MRPL12: variants seen among roughly 807,000 people sequenced by gnomAD.
MRPL12 encodes the protein mitochondrial ribosomal protein L12.
Under a neutral mutation model 21.1 loss-of-function variants are expected in MRPL12, and 13 were observed. The observed-to-expected ratio is 0.62, with a 90% CI of 0.40 to 0.98. The LOEUF is 0.98. Among genes scored for constraint, MRPL12 ranks in the 50% least tolerant of loss-of-function variants. The pLI is 0.00. For synonymous variants in MRPL12, 126 were observed against 115.3 expected (o/e 1.09, Z -0.60); for missense variants, 251 against 268.6 (o/e 0.93, Z 0.46).
chr17:81,706,387 C>G (rs142206644), intron 3 of MRPL12, among the ~76,000 whole-genome samples: 1 of 152,132 alleles, frequency 6.6e-6, no homozygotes, highest in Non-Finnish European at 1.5e-5. Flanking sequence ...GCTGGGATTA[C>G]AGGCGCGCAC....
At chr17:81,706,482 G>A (rs1403428171) in intron 3 of MRPL12, among the ~76,000 whole-genome samples, 3 of 152,116 alleles carry the variant, frequency 2.0e-5, no homozygotes, top group African/African-American at 4.8e-5. Flanking sequence ...CTCCCAAAGC[G>A]CTAGGATGAC....
intron 3 of MRPL12, among the ~76,000 whole-genome samples, chr17:81,705,040 G>T (rs1411812802): frequency 6.6e-6 from 1 of 151,520 alleles, no homozygotes; most frequent in African/African-American, 2.4e-5. Context: ...TTCGAGGCCA[G>T]CCTGGCCAAC....
Position 81,707,278 on chromosome 17 carries a change from C to G in MRPL12, c.*38C>G, listed in dbSNP as rs766244982. 1 of 1,521,032 alleles carries G rather than the reference C, an allele frequency of 6.6e-7. No homozygotes were observed. Among genetic ancestry groups the G allele is most frequent in the Non-Finnish European group, 8.8e-7 (1 of 1,131,376 alleles). The allele number at this position is 1,521,032 out of a possible 1,614,324, so 94.2% of individuals were successfully genotyped here. On this transcript the variant is annotated 3_prime_UTR_variant, in exon 5 of 5. Transcript: ENST00000333676. ...AGGACTTGTGTTCAGGGGTCCTGGG[C>G]CCCGGGCGAGGTCCCGCCCTCCCGT...
Position 81,707,064 on chromosome 17 carries a change from G to A in MRPL12, c.480+24G>A, listed in dbSNP as rs139488734. 4.6e-3 allele frequency: 7,397 copies of A among 1,613,964 alleles called. 392 individuals are homozygous for A. In the Admixed American group the frequency reaches 0.098, roughly 21 times the overall value. ...AGGTCTGTGCCGCGGTGGGGGTTCC[G>A]AGGCAGGTTCCGTTGTGGTGGCCAG... is the stretch of plus-strand genomic sequence containing the variant. On this transcript the variant is annotated intron_variant, in intron 4 of 4. Coordinates refer to ENST00000333676, the MANE Select transcript of MRPL12 (RefSeq NM_002949.4).
Position 81,704,729 on chromosome 17 carries a change from C to T in MRPL12, c.345+13C>T, listed in dbSNP as rs2037296023. The T allele has an allele frequency of 3.1e-6, 5 of 1,604,020 alleles. No individual in the cohort carries two copies. Among genetic ancestry groups the T allele is most frequent in the Admixed American group, 1.7e-5 (1 of 58,472 alleles). ...AGCAGCCCAGGAGGTGAGTCCTGGG[C>T]AGAATGAGGCATTTCTGGGGTGCCC... On this transcript the variant is annotated intron_variant, in intron 3 of 4. Transcript: ENST00000333676.
At chr17:81,706,603 G>C (rs1051677559) in intron 3 of MRPL12, among the ~76,000 whole-genome samples, 2 of 152,184 alleles carry the variant, frequency 1.3e-5, no homozygotes, top group African/African-American at 4.8e-5. Flanking sequence ...GGACTCGCGA[G>C]GCCAAGGCAG....
chr17:81,703,697 T>C (rs2037280247), intron 1 of MRPL12, 122 bp downstream of exon 1: 7 of 965,798 alleles, frequency 7.2e-6, no homozygotes, highest in South Asian at 5.8e-5. Flanking sequence ...CAGGCCGGGC[T>C]TGGGGGTCCC....
chr17:81,703,572 C>A lies in MRPL12; in HGVS notation c.71C>A (p.Ala24Asp). Residue 24 changes from alanine (A) to aspartate (D), a missense_variant, in exon 1 of 5, where the codon GCC (alanine) becomes GAC (aspartate). By Grantham distance (126) the Ala-to-Asp change is moderately radical. Coordinates refer to ENST00000333676, the MANE Select transcript of MRPL12 (RefSeq NM_002949.4). ...LGLRAAAFRL[A>D]RRQVPCVCAV... ...CTTCGGGCCGCTGCGTTCCGCCTTG[C>A]CAGGTACGCGGGATCCTGGGGCGGT... 1 of 1,443,852 alleles carries A rather than the reference C, an allele frequency of 6.9e-7. No individual in the cohort carries two copies. Among genetic ancestry groups the A allele is most frequent in the Non-Finnish European group, 9.1e-7 (1 of 1,103,164 alleles). 89.4% of individuals were successfully genotyped at this position (1,443,852 alleles called of 1,614,324 possible).
intron 3 of MRPL12, among the ~76,000 whole-genome samples, chr17:81,705,389 CAAAAA>C (rs758967615): frequency 1.6e-5 from 1 of 63,258 alleles, no homozygotes; most frequent in Non-Finnish European, 3.1e-5. Context: ...GACCCTGTCT[CAAAAA>C]AAAAAAAAAA....
At chr17:81,707,076 G>C in intron 4 of MRPL12, 36 bp downstream of exon 4, 8 of 1,613,950 alleles carry the variant, frequency 5.0e-6, no homozygotes, top group Non-Finnish European at 6.8e-6. Context: ...GGCAGGTTCC[G>C]TTGTGGTGGC....
Position 81,707,053 on chromosome 17 carries a change from G to A in MRPL12, c.480+13G>A, listed in dbSNP as rs1486261097. 3 of 1,614,092 alleles carry A rather than the reference G, an allele frequency of 1.9e-6. No individual in the cohort carries two copies. The highest frequency in any genetic ancestry group is 1.3e-5 in the African/African-American group (1 of 75,078). On this transcript the variant is annotated intron_variant, in intron 4 of 4. Transcript: ENST00000333676. ...CAACCTCGTCCAGGTCTGTGCCGCGGTGGGGGTTCCGAGGCAGGTTCCGTT... is the reference window on the plus strand; with the variant it reads ...CAACCTCGTCCAGGTCTGTGCCGCGATGGGGGTTCCGAGGCAGGTTCCGTT...
In MRPL12 at chr17:81,704,342, A is replaced by G; in HGVS notation, c.173A>G (p.Lys58Arg). The change falls in exon 2 of 5, where the codon AAG (lysine) becomes AGG (arginine). Residue 58 changes from lysine to arginine, a missense_variant. Transcript: ENST00000333676. Reference sequence around the variant, plus strand: ...GGTGCACCCCTGGATAACGCCCCCAAGGAGTACCCCCCCAAGATACAGCAG... The same window carrying G: ...GGTGCACCCCTGGATAACGCCCCCAGGGAGTACCCCCCCAAGATACAGCAG... ...LAGAPLDNAP[K>R]EYPPKIQQLV... is the part of the protein sequence containing the mutation. 1.2e-6 allele frequency: 2 copies of G among 1,613,640 alleles called. No individual in the cohort carries two copies. The highest frequency in any genetic ancestry group is 1.7e-6 in the Non-Finnish European group (2 of 1,179,938).
Position 81,703,474 on chromosome 17 carries a change from C to T in MRPL12, c.-28C>T, listed in dbSNP as rs2037276737. 1.3e-6 allele frequency: 2 copies of T among 1,485,110 alleles called. No homozygotes were observed. The highest frequency in any genetic ancestry group is 1.3e-5 in the South Asian group (1 of 79,644). 92.0% of individuals were successfully genotyped at this position (1,485,110 alleles called of 1,614,324 possible). ...AGAGCGTCGCCTCCTCCCGGGGAAC[C>T]GCGTGTGACCTTCCAGCCCGCGGAC... On this transcript the variant is annotated 5_prime_UTR_variant, in exon 1 of 5. Coordinates refer to ENST00000333676, the MANE Select transcript of MRPL12 (RefSeq NM_002949.4).
Position 81,707,026 on chromosome 17 carries a change from A to C in MRPL12, c.466A>C (p.Ile156Leu). The C allele has an allele frequency of 6.2e-7, 1 of 1,614,120 alleles. No homozygotes were observed. Among genetic ancestry groups the C allele is most frequent in the Non-Finnish European group, 8.5e-7 (1 of 1,180,044 alleles). ...IKEIKNYIQG[I>L]NLVQAKKLVE... ...GGAAATCAAGAACTACATCCAAGGC[A>C]TCAACCTCGTCCAGGTCTGTGCCGC... Residue 156 changes from isoleucine to leucine, a missense_variant, in exon 4 of 5, where the codon ATC becomes CTC. Transcript: ENST00000333676.
Position 81,704,393 on chromosome 17 carries a change from C to G in MRPL12, c.224C>G (p.Thr75Ser), listed in dbSNP as rs770567935. 1 of 1,613,468 alleles carries G rather than the reference C, an allele frequency of 6.2e-7. No homozygotes were observed. Among genetic ancestry groups the G allele is most frequent in the Admixed American group, 1.7e-5 (1 of 59,954 alleles). The change falls in exon 2 of 5, where the codon ACT (threonine) becomes AGT (serine). Residue 75 changes from threonine to serine, a missense_variant. Coordinates refer to ENST00000333676, the MANE Select transcript of MRPL12 (RefSeq NM_002949.4). ...CTGGTCCAGGACATCGCCAGCCTCA[C>G]TCTCTTGGAAATCTCAGACCTCAAC... ...QQLVQDIASL[T>S]LLEISDLNEL...
At chr17:81,706,620 C>T (rs1206963646) in intron 3 of MRPL12, among the ~76,000 whole-genome samples, 3 of 152,124 alleles carry the variant, frequency 2.0e-5, no homozygotes, top group Admixed American at 1.3e-4. Flanking sequence ...GCAGGAGAAT[C>T]GCTTGAACCC....
chr17:81,703,935 C>T (rs1568223055), intron 1 of MRPL12, among the ~76,000 whole-genome samples: 2 of 152,226 alleles, frequency 1.3e-5, no homozygotes, highest in Non-Finnish European at 2.9e-5. Context: ...ATAGTTTCGC[C>T]ACCGCTGGGT....
chr17:81,706,843 G>C lies in MRPL12; in HGVS notation c.346-63G>C. On this transcript the variant is annotated intron_variant, in intron 3 of 4. Transcript: ENST00000333676. Reference sequence around the variant, plus strand: ...GGCTTTAGACTGGGGTGGCCCAGCAGTGGAGGCGTTAGCTCCCCCCAGCCC... The same window carrying C: ...GGCTTTAGACTGGGGTGGCCCAGCACTGGAGGCGTTAGCTCCCCCCAGCCC... The C allele has an allele frequency of 2.5e-6, 4 of 1,583,906 alleles. No homozygotes were observed. In the South Asian group the frequency reaches 4.7e-5, roughly 19 times the overall value.
intron 3 of MRPL12, among the ~76,000 whole-genome samples, chr17:81,706,358 T>C (rs2037314421): frequency 1.3e-5 from 2 of 151,954 alleles, no homozygotes; most frequent in African/African-American, 2.4e-5. Flanking sequence ...GCAATTCTCA[T>C]GCCGCAGCCT....
Sources: gnomAD v4.1 joint callset for allele counts (sites outside exome capture counted in the v4.1 genomes callset) on GRCh38, gnomAD v4.1.1 for gene constraint, MANE v1.5 for transcripts, NCBI Gene and HGNC (gene_info 2026-07-23, HGNC 2026-07-21) for gene names.